Variants in ABCG2 observed in about 807,000 individuals in gnomAD.
The protein encoded by ABCG2 is ATP binding cassette subfamily G member 2 (JR blood group).
ABCG2 carries 80 observed loss-of-function variants against 73.5 expected under a neutral mutation model. That is an observed-to-expected ratio of 1.09 (90% CI 0.91 to 1.31). The LOEUF is 1.31. ABCG2 is among the 50% of genes most tolerant of loss of function. The pLI, the probability that ABCG2 is intolerant of heterozygous loss-of-function variation, is 0.00. For missense variants in ABCG2, 796 were observed against 786.2 expected (o/e 1.01, Z -0.15); for synonymous variants, 269 against 282.4 (o/e 0.95, Z 0.48).
At chr4:88,114,711 T>C (rs1200553237) in intron 8 of ABCG2, among the ~76,000 whole-genome samples, 1 of 152,000 alleles carries the variant, frequency 6.6e-6, no homozygotes, top group Non-Finnish European at 1.5e-5. Context: ...AAAAACACTA[T>C]ATAAACACTG....
At chr4:88,121,037 TAACATTTTCTAAG>T (rs571771092) in intron 6 of ABCG2, among the ~76,000 whole-genome samples, 85 of 152,342 alleles carry the variant, frequency 5.6e-4, no homozygotes, top group African/African-American at 1.9e-3. Context: ...ACTTCAATTT[TAACATTTTCTAAG>T]AACTTACTGT....
chr4:88,137,389 C>G (rs1318697504), intron 2 of ABCG2, among the ~76,000 whole-genome samples: 2 of 152,168 alleles, frequency 1.3e-5, no homozygotes, highest in African/African-American at 2.4e-5. Context: ...CAGTTTATCT[C>G]TCCTCATAAC....
chr4:88,157,331 A>AT (rs1375384882), intron 1 of ABCG2, among the ~76,000 whole-genome samples: 1 of 152,206 alleles, frequency 6.6e-6, no homozygotes, highest in Non-Finnish European at 1.5e-5. Context: ...ATCAGAGAAA[A>AT]TTAAGGATAT....
intron 1 of ABCG2, among the ~76,000 whole-genome samples, chr4:88,220,958 C>T (rs1392210604): frequency 6.6e-6 from 1 of 152,168 alleles, no homozygotes; most frequent in Non-Finnish European, 1.5e-5. Context: ...TCCATTAAAC[C>T]TCTTCCGTTT....
At chr4:88,130,912 T>A in intron 5 of ABCG2, 149 bp downstream of exon 5, 1 of 894,344 alleles carries the variant, frequency 1.1e-6, no homozygotes, top group Non-Finnish European at 1.7e-6. Context: ...ACGTTCATAT[T>A]ATGTAACAAG....
At chr4:88,203,818 G>A (rs2110116891) in intron 1 of ABCG2, among the ~76,000 whole-genome samples, 1 of 150,288 alleles carries the variant, frequency 6.7e-6, no homozygotes, top group Non-Finnish European at 1.5e-5. Flanking sequence ...AACATGAGAA[G>A]GCAAAAGGCA....
intron 1 of ABCG2, among the ~76,000 whole-genome samples, chr4:88,154,886 A>G (rs536046492): frequency 6.8e-6 from 1 of 146,684 alleles, no homozygotes; most frequent in African/African-American, 2.5e-5. Context: ...GAGGGCCTCT[A>G]AAAGTATTAG....
chr4:88,186,764 A>C (rs1273288285), intron 1 of ABCG2, among the ~76,000 whole-genome samples: 1 of 151,176 alleles, frequency 6.6e-6, no homozygotes, highest in East Asian at 1.9e-4. Flanking sequence ...CTAAAAATAC[A>C]AAAAATTAGC....
chr4:88,152,969 G>A (rs1726628412), intron 1 of ABCG2, among the ~76,000 whole-genome samples: 1 of 152,004 alleles, frequency 6.6e-6, no homozygotes, highest in South Asian at 2.1e-4. Context: ...TATAAGTATT[G>A]GTGATGGCCT....
chr4:88,174,096 T>C (rs1230724066), intron 1 of ABCG2, among the ~76,000 whole-genome samples: 1 of 151,968 alleles, frequency 6.6e-6, no homozygotes, highest in African/African-American at 2.4e-5. Context: ...TTTGAAGAAG[T>C]GATTACATTA....
intron 1 of ABCG2, among the ~76,000 whole-genome samples, chr4:88,153,262 GGAGTAT>G (rs1726665183): frequency 1.3e-5 from 2 of 152,100 alleles, no homozygotes; most frequent in Admixed American, 6.5e-5. Context: ...ATGGTGAATA[GGAGTAT>G]GACTAGACAG....
intron 1 of ABCG2, among the ~76,000 whole-genome samples, chr4:88,203,595 A>C (rs1432393996): frequency 6.6e-6 from 1 of 151,994 alleles, no homozygotes; most frequent in Non-Finnish European, 1.5e-5. Context: ...CCCTACTAAA[A>C]ATACAAAAAT....
At chr4:88,156,863 G>A (rs1004722526) in intron 1 of ABCG2, among the ~76,000 whole-genome samples, 8 of 152,142 alleles carry the variant, frequency 5.3e-5, no homozygotes, top group African/African-American at 1.9e-4. Context: ...CCAGCACTTT[G>A]GGAGGCCAAG....
intron 13 of ABCG2, 97 bp downstream of exon 13, chr4:88,097,356 G>T: frequency 1.4e-6 from 2 of 1,402,520 alleles, no homozygotes; most frequent in African/African-American, 1.4e-5. Flanking sequence ...CCCATTTACA[G>T]AATCCTCAAA....
chr4:88,196,740 C>T (rs1560750757), intron 1 of ABCG2, among the ~76,000 whole-genome samples: 1 of 150,232 alleles, frequency 6.7e-6, no homozygotes, highest in Non-Finnish European at 1.5e-5. Flanking sequence ...TCTGGGCCCA[C>T]GTTTTACCTC....
intron 1 of ABCG2, among the ~76,000 whole-genome samples, chr4:88,154,135 G>A (rs1260682543): frequency 2.0e-5 from 3 of 152,136 alleles, no homozygotes; most frequent in South Asian, 2.1e-4. Flanking sequence ...TGACCAATGC[G>A]AAGAAGAAAA....
At chr4:88,162,559 A>G (rs1267584737), upstream of ABCG2, among the ~76,000 whole-genome samples, 1 of 152,204 alleles carries the variant, frequency 6.6e-6, no homozygotes, top group Non-Finnish European at 1.5e-5. Flanking sequence ...ATAAAGTTTT[A>G]TTAGTTCCTA....
intron 2 of ABCG2, among the ~76,000 whole-genome samples, chr4:88,133,545 TCAAA>T (rs1442912094): frequency 6.6e-6 from 1 of 152,214 alleles, no homozygotes; most frequent in East Asian, 1.9e-4. Flanking sequence ...TAAGCACGTT[TCAAA>T]CAAAGTGGAT....
intron 1 of ABCG2, among the ~76,000 whole-genome samples, chr4:88,210,772 A>G (rs1397422833): frequency 6.6e-6 from 1 of 151,958 alleles, no homozygotes; most frequent in Non-Finnish European, 1.5e-5. Context: ...TTTTATAGAG[A>G]CAGTCTTGCT....
Sources: allele counts gnomAD v4.1 joint callset (sites outside exome capture counted in the v4.1 genomes callset), GRCh38; gene constraint gnomAD v4.1.1; transcripts MANE v1.5; gene names NCBI Gene and HGNC (gene_info 2026-07-23, HGNC 2026-07-21).